PTPN11: variants seen among roughly 807,000 people sequenced by gnomAD.
PTPN11 encodes protein tyrosine phosphatase non-receptor type 11, also known as tyrosine-protein phosphatase non-receptor type 11.
A neutral mutation model predicts 78.8 loss-of-function variants in PTPN11; 6 were observed. The ratio of observed to expected loss-of-function variants is 0.08; its 90% confidence interval spans 0.04 to 0.15. PTPN11 has a LOEUF of 0.15. Among genes scored for constraint, PTPN11 ranks in the 10% least tolerant of loss-of-function variants. PTPN11 has a pLI of 1.00. For missense variants in PTPN11, 386 were observed against 744.8 expected, an observed-to-expected ratio of 0.52 and a Z score of 5.61; for synonymous variants, 221 against 263.5, an observed-to-expected ratio of 0.84 and a Z score of 1.56.
chr12:112,468,321 C>T (rs986391730), intron 6 of PTPN11, among the ~76,000 whole-genome samples: 7 of 152,100 alleles, frequency 4.6e-5, no homozygotes, highest in South Asian at 4.1e-4. Context: ...GTATTCTCCT[C>T]GAGGGCAGGG....
At chr12:112,498,118 A>G (rs564737561) in intron 13 of PTPN11, among the ~76,000 whole-genome samples, 2 of 152,122 alleles carry the variant, frequency 1.3e-5, no homozygotes, top group Admixed American at 1.3e-4. Context: ...GTGCCACTGC[A>G]TTCCAGCCTG....
intron 1 of PTPN11, among the ~76,000 whole-genome samples, chr12:112,433,322 C>T (rs1168462402): frequency 6.6e-6 from 1 of 152,092 alleles, no homozygotes; most frequent in Non-Finnish European, 1.5e-5. Context: ...TAGGTTATAC[C>T]ATATAGCCCA....
At chr12:112,443,721 T>C (rs377051146) in intron 1 of PTPN11, among the ~76,000 whole-genome samples, 14 of 151,302 alleles carry the variant, frequency 9.3e-5, no homozygotes, top group East Asian at 3.9e-4. Context: ...GGTATGATCT[T>C]GGCTCACTGC....
intron 1 of PTPN11, among the ~76,000 whole-genome samples, chr12:112,419,364 CG>C (rs770108094): frequency 5.3e-5 from 8 of 152,166 alleles, no homozygotes; most frequent in Non-Finnish European, 1.2e-4. Context: ...GCGGCAGCCC[CG>C]GGGATGCCCG....
At chr12:112,421,397 C>T (rs1412373639) in intron 1 of PTPN11, among the ~76,000 whole-genome samples, 1 of 152,098 alleles carries the variant, frequency 6.6e-6, no homozygotes, top group African/African-American at 2.4e-5. Context: ...CTTTATAATC[C>T]TTCCTTTGTT....
intron 6 of PTPN11, among the ~76,000 whole-genome samples, chr12:112,457,886 C>T (rs1456380571): frequency 6.6e-6 from 1 of 152,162 alleles, no homozygotes; most frequent in Admixed American, 6.6e-5. Flanking sequence ...GCAGTTGTCC[C>T]CAGCATGTAG....
At chr12:112,447,147 G>C (rs1454792087) in intron 2 of PTPN11, among the ~76,000 whole-genome samples, 3 of 152,056 alleles carry the variant, frequency 2.0e-5, no homozygotes, top group African/African-American at 7.2e-5. Flanking sequence ...GGGATTACAG[G>C]CATGAGCCAC....
intron 10 of PTPN11, among the ~76,000 whole-genome samples, chr12:112,483,277 T>C (rs2038625266): frequency 6.8e-6 from 1 of 148,118 alleles, no homozygotes; most frequent in African/African-American, 2.5e-5. Context: ...AGCCACAACC[T>C]CCTAAGCTCA....
Position 112,418,959 on chromosome 12 carries a change from C to A in PTPN11, c.-153C>A. ...GGGGCAGCTGCACAGTCTCCGGGATCCCCAGGCCTGGAGGGGGGTCTGTGC... is the reference window on the plus strand; with the variant it reads ...GGGGCAGCTGCACAGTCTCCGGGATACCCAGGCCTGGAGGGGGGTCTGTGC... On this transcript the variant is annotated 5_prime_UTR_variant, in exon 1 of 16. Transcript: ENST00000351677. The A allele has an allele frequency of 3.3e-6, 3 of 901,232 alleles. No individual in the cohort carries two copies. The highest frequency in any genetic ancestry group is 5.9e-5 in the East Asian group (2 of 33,754). 55.8% of individuals were successfully genotyped at this position (901,232 alleles called of 1,614,324 possible).
intron 7 of PTPN11, among the ~76,000 whole-genome samples, chr12:112,474,402 A>G (rs1440504174): frequency 6.6e-6 from 1 of 151,838 alleles, no homozygotes; most frequent in Admixed American, 6.6e-5. Context: ...AATTTTTTCT[A>G]GGGCGGGGTC....
chr12:112,445,113 C>A (rs1009934841), intron 1 of PTPN11, among the ~76,000 whole-genome samples: 3 of 151,964 alleles, frequency 2.0e-5, no homozygotes. Flanking sequence ...ATACACATAC[C>A]CCGAAGCATG....
At chr12:112,500,522 T>G (rs1321201939) in intron 13 of PTPN11, among the ~76,000 whole-genome samples, 1 of 152,240 alleles carries the variant, frequency 6.6e-6, no homozygotes, top group African/African-American at 2.4e-5. Flanking sequence ...AAGTTCTTAC[T>G]GACTGCTTTA....
At chr12:112,466,087 G>C (rs2038321843) in intron 6 of PTPN11, among the ~76,000 whole-genome samples, 1 of 152,188 alleles carries the variant, frequency 6.6e-6, no homozygotes, top group Non-Finnish European at 1.5e-5. Context: ...AGTCAAGTGG[G>C]AGAGACAGGC....
chr12:112,481,944 A>G (rs2038602044), intron 9 of PTPN11, 130 bp from the exon 10 acceptor site: 9 of 977,648 alleles, frequency 9.2e-6, no homozygotes, highest in South Asian at 2.8e-5. Flanking sequence ...TGAAAACCTA[A>G]CAGATGCGAA....
chr12:112,479,757 T>C (rs1380893526), intron 9 of PTPN11, among the ~76,000 whole-genome samples: 1 of 152,156 alleles, frequency 6.6e-6, no homozygotes, highest in Non-Finnish European at 1.5e-5. Context: ...AGGGGTCTTG[T>C]GTTGCTTCAG....
intron 13 of PTPN11, among the ~76,000 whole-genome samples, chr12:112,495,634 G>A (rs1442299653): frequency 6.6e-6 from 1 of 152,072 alleles, no homozygotes; most frequent in Non-Finnish European, 1.5e-5. Context: ...TGGGGTTACA[G>A]CCTGATAAGC....
intron 1 of PTPN11, among the ~76,000 whole-genome samples, chr12:112,419,566 G>A (rs1746199132): frequency 6.6e-6 from 1 of 152,218 alleles, no homozygotes; most frequent in African/African-American, 2.4e-5. Flanking sequence ...TGGTCTAGTC[G>A]TTCTGGCTCA....
rs1470587247 is a variant in PTPN11, at chr12:112,441,147, A to G, written c.15-5129A>G. Among the ~76,000 whole-genome samples, 3 of 151,418 alleles carry G rather than the reference A, an allele frequency of 2.0e-5. No individual in the cohort carries two copies. The Middle Eastern group carries it at 0.01, about 526-fold the overall frequency. On this transcript the variant is annotated intron_variant, in intron 1 of 15. Transcript: ENST00000351677. The stretch of plus-strand genomic sequence containing the variant: ...GCCCGGCTGATTTTGTATTTTTAGT[A>G]GGGACAGGGTTTCTCCATGTTGGTC...
At chr12:112,437,275 G>A (rs2037808202) in intron 1 of PTPN11, among the ~76,000 whole-genome samples, 1 of 151,704 alleles carries the variant, frequency 6.6e-6, no homozygotes, top group Non-Finnish European at 1.5e-5. Context: ...CTGCTGCCTC[G>A]GCCTCCCAAG....
Sources: gnomAD v4.1 joint callset for allele counts (sites outside exome capture counted in the v4.1 genomes callset) on GRCh38, gnomAD v4.1.1 for gene constraint, MANE v1.5 for transcripts, NCBI Gene and HGNC (gene_info 2026-07-23, HGNC 2026-07-21) for gene names.